BBS9: variants seen among roughly 807,000 people sequenced by gnomAD.
The protein encoded by BBS9 is Bardet-Biedl syndrome 9.
A neutral mutation model predicts 117.7 loss-of-function variants in BBS9; 89 were observed. The observed-to-expected ratio is 0.76, with a 90% CI of 0.64 to 0.90. BBS9 has a LOEUF of 0.90. BBS9 is among the 40% of genes least tolerant of loss of function. The pLI is 0.00. For synonymous variants in BBS9, 379 were observed against 370.9 expected (o/e 1.02, Z -0.25); for missense variants, 982 against 1,042.2 (o/e 0.94, Z 0.80).
In BBS9 at chr7:33,264,403, T is replaced by G. The variant is rs768706539; in HGVS notation, c.702+29T>G. The G allele has an allele frequency of 3.0e-6, 4 of 1,313,862 alleles. No homozygotes were observed. The African/African-American group carries it at 4.4e-5, about 14-fold the overall frequency. 81.4% of individuals were successfully genotyped at this position (1,313,862 alleles called of 1,614,324 possible). A position where few individuals can be genotyped will look rare whatever the true frequency, so the allele number is the denominator to read the frequency against. On this transcript the variant is annotated intron_variant, in intron 7 of 22. Transcript: ENST00000242067. ...AGGCCTTTTTTTAATATATAAAAAT[T>G]TCAATAATGCTATATCTAATCACAT...
intron 5 of BBS9, among the ~76,000 whole-genome samples, chr7:33,190,910 C>G (rs767360495): frequency 6.6e-6 from 1 of 152,166 alleles, no homozygotes; most frequent in African/African-American, 2.4e-5. Flanking sequence ...TGTGGTGAAT[C>G]TGAGGACTTT....
At chr7:33,453,520 CT>C (rs554285058) in intron 19 of BBS9, among the ~76,000 whole-genome samples, 13,149 of 141,678 alleles carry the variant, frequency 0.093, 581 homozygotes, top group South Asian at 0.14. Context: ...TTCCTTGTGA[CT>C]TTTTTTTTTT....
chr7:33,316,537 C>G (rs1218878184), intron 9 of BBS9, among the ~76,000 whole-genome samples: 2 of 152,176 alleles, frequency 1.3e-5, no homozygotes, highest in African/African-American at 4.8e-5. Context: ...TCTGGTTGCT[C>G]AACATCCTCT....
At chr7:33,175,945 C>T (rs1477347585) in intron 4 of BBS9, among the ~76,000 whole-genome samples, 3 of 152,086 alleles carry the variant, frequency 2.0e-5, no homozygotes, top group Admixed American at 6.5e-5. Flanking sequence ...GGCTTCTGTA[C>T]ACAGAAGGCA....
chr7:33,182,447 C>T (rs1207780756), intron 5 of BBS9, among the ~76,000 whole-genome samples: 4 of 152,150 alleles, frequency 2.6e-5, no homozygotes, highest in African/African-American at 9.7e-5. Context: ...TCTAACGGCT[C>T]CACAGCAGTT....
intron 19 of BBS9, among the ~76,000 whole-genome samples, chr7:33,406,263 T>C (rs937063707): frequency 2.6e-5 from 4 of 152,206 alleles, no homozygotes; most frequent in Non-Finnish European, 4.4e-5. Flanking sequence ...TACTTCCAAG[T>C]ATGTGGTCAA....
At chr7:33,489,545 T>A (rs1324376230) in intron 19 of BBS9, among the ~76,000 whole-genome samples, 1 of 152,088 alleles carries the variant, frequency 6.6e-6, no homozygotes, top group Non-Finnish European at 1.5e-5. Flanking sequence ...AACTTACCAT[T>A]CTCAGATTCT....
At chr7:33,556,880 A>C (rs1157754554) in intron 21 of BBS9, among the ~76,000 whole-genome samples, 1 of 152,218 alleles carries the variant, frequency 6.6e-6, no homozygotes, top group Admixed American at 6.5e-5. Flanking sequence ...TTAATGAGTA[A>C]TAAGAAGTAC....
intron 5 of BBS9, among the ~76,000 whole-genome samples, chr7:33,248,966 A>G (rs979442112): frequency 6.6e-6 from 1 of 152,102 alleles, no homozygotes; most frequent in Non-Finnish European, 1.5e-5. Context: ...GCATTTCTTC[A>G]CTTGTATTTT....
At chr7:33,414,803 A>G (rs1019172902) in intron 19 of BBS9, among the ~76,000 whole-genome samples, 6 of 152,250 alleles carry the variant, frequency 3.9e-5, no homozygotes, top group African/African-American at 1.4e-4. Context: ...AAATTTTTAG[A>G]TGTGGAGATG....
At chr7:33,542,790 TACACACACACACACAC>T (rs368494839) in intron 21 of BBS9, among the ~76,000 whole-genome samples, 1,675 of 134,280 alleles carry the variant, frequency 0.012, 30 homozygotes, top group South Asian at 0.048. Context: ...TATATATATG[TACACACACACACACAC>T]ACACACACAC....
At chr7:33,533,653 T>G in intron 20 of BBS9, 1 of 437,198 alleles carries the variant, frequency 2.3e-6, no homozygotes, top group South Asian at 2.4e-5. Context: ...TACTCATTAC[T>G]CTATGCCTGG....
At chr7:33,610,734 T>TATATTTA (rs1864813864), downstream of BBS9, among the ~76,000 whole-genome samples, 4 of 152,054 alleles carry the variant, frequency 2.6e-5, no homozygotes, top group Admixed American at 2.0e-4. Context: ...ATACTATAGG[T>TATATTTA]CTTCTTAAGT....
At chr7:33,159,253 A>G (rs1467427041) in intron 4 of BBS9, among the ~76,000 whole-genome samples, 2 of 152,202 alleles carry the variant, frequency 1.3e-5, no homozygotes, top group African/African-American at 4.8e-5. Flanking sequence ...CATTGATGTC[A>G]CTATCACCAT....
At chr7:33,225,253 C>T (rs567684473) in intron 5 of BBS9, among the ~76,000 whole-genome samples, 9 of 152,096 alleles carry the variant, frequency 5.9e-5, no homozygotes, top group African/African-American at 1.4e-4. Context: ...GCTTGAATAC[C>T]GTGGCATAAT....
chr7:33,266,729 C>T (rs1434223190), intron 7 of BBS9, among the ~76,000 whole-genome samples: 1 of 151,686 alleles, frequency 6.6e-6, no homozygotes, highest in African/African-American at 2.4e-5. Context: ...ATATGTCTAT[C>T]TATATCTATA....
intron 5 of BBS9, among the ~76,000 whole-genome samples, chr7:33,218,659 T>C (rs1288958551): frequency 6.6e-6 from 1 of 152,248 alleles, no homozygotes; most frequent in African/African-American, 2.4e-5. Flanking sequence ...AGATAATACA[T>C]GCTAGTGTGC....
At chr7:33,435,240 T>C (rs1584816237) in intron 19 of BBS9, among the ~76,000 whole-genome samples, 1 of 152,186 alleles carries the variant, frequency 6.6e-6, no homozygotes, top group Non-Finnish European at 1.5e-5. Context: ...GCATAGGGAT[T>C]ATCAGAATAC....
chr7:33,190,269 G>A (rs909880908), intron 5 of BBS9, among the ~76,000 whole-genome samples: 1 of 151,854 alleles, frequency 6.6e-6, no homozygotes, highest in Non-Finnish European at 1.5e-5. Flanking sequence ...ACAGGCACCC[G>A]CCACCACACT....
Sources: gnomAD v4.1 joint callset for allele counts (sites outside exome capture counted in the v4.1 genomes callset) on GRCh38, gnomAD v4.1.1 for gene constraint, MANE v1.5 for transcripts, NCBI Gene and HGNC (gene_info 2026-07-23, HGNC 2026-07-21) for gene names.